CCT8: variants seen among roughly 807,000 people sequenced by gnomAD.
The protein encoded by CCT8 is chaperonin containing TCP1 subunit 8, also known as T-complex protein 1 subunit theta.
A neutral mutation model predicts 65.7 loss-of-function variants in CCT8; 10 were observed. The observed-to-expected ratio is 0.15, with a 90% confidence interval of 0.09 to 0.26. The LOEUF (loss-of-function observed/expected upper bound fraction) is 0.26, where lower values mean the gene tolerates loss of function less well. CCT8 is among the 10% of genes least tolerant of loss of function. CCT8 has a pLI of 1.00. For synonymous variants in CCT8, 199 were observed against 221.8 expected, an observed-to-expected ratio of 0.90 and a Z score of 0.92; for missense variants, 568 against 669.1, an observed-to-expected ratio of 0.85 and a Z score of 1.67.
chr21:29,057,684 C>T (rs1467778958), intron 14 of CCT8, among the ~76,000 whole-genome samples: 3 of 145,616 alleles, frequency 2.1e-5, no homozygotes, highest in African/African-American at 7.6e-5. Flanking sequence ...ATATACGATA[C>T]ATATATCATA....
At chr21:29,061,461 G>A (rs566821834) in intron 12 of CCT8, 35 bp downstream of exon 12, 1 of 1,613,118 alleles carries the variant, frequency 6.2e-7, no homozygotes, top group Admixed American at 1.7e-5. Context: ...TTCAAGCAAT[G>A]GAAAGAAAGT....
intron 14 of CCT8, 130 bp from the exon 15 acceptor site, chr21:29,056,682 T>C (rs1485608995): frequency 2.2e-6 from 1 of 448,916 alleles, no homozygotes; most frequent in African/African-American, 2.0e-5. Context: ...TATAAAACAC[T>C]ACAGCACAGA....
chr21:29,061,751 G>A (rs868077162), intron 11 of CCT8, among the ~76,000 whole-genome samples, 184 bp from the exon 12 acceptor site: 37 of 152,312 alleles, frequency 2.4e-4, no homozygotes, highest in Middle Eastern at 3.4e-3. Flanking sequence ...AATTTTCTTA[G>A]TGCACAGTGT....
rs1317675081 is a variant in CCT8, at chr21:29,071,310, A to C, written c.61-973T>G. On this transcript the variant is annotated intron_variant, in intron 1 of 14. Transcript: ENST00000286788. Reference sequence around the variant, plus strand: ...TGATACAGCGTATGTCCAGCACTGCAAAAAGTTCTATTTACATAGTACTGC... The same window carrying C: ...TGATACAGCGTATGTCCAGCACTGCCAAAAGTTCTATTTACATAGTACTGC... 4.6e-5 allele frequency among the ~76,000 whole-genome samples: 7 copies of C among 152,240 alleles called. 1 individual carries two copies. In the East Asian group the frequency reaches 1.3e-3, roughly 29 times the overall value.
chr21:29,071,913 C>G, intron 1 of CCT8: 1 of 701,422 alleles, frequency 1.4e-6, no homozygotes, highest in Admixed American at 2.0e-5. Context: ...CAAGGCCCTA[C>G]GTATCCCGGC....
chr21:29,067,947 G>A (rs539204374), intron 3 of CCT8, among the ~76,000 whole-genome samples: 1 of 152,202 alleles, frequency 6.6e-6, no homozygotes, highest in Non-Finnish European at 1.5e-5. Context: ...TCTTTTGGTG[G>A]CCTGCACATA....
At chr21:29,067,109 T>TA (rs1188024177) in intron 4 of CCT8, 38 bp from the exon 5 acceptor site, 6 of 1,486,662 alleles carry the variant, frequency 4.0e-6, no homozygotes, top group Non-Finnish European at 5.5e-6. Context: ...TGACATGACT[T>TA]AAAGTAGCTT....
intron 2 of CCT8, 31 bp from the exon 3 acceptor site, chr21:29,069,533 A>C (rs1409332515): frequency 6.7e-6 from 9 of 1,352,386 alleles, no homozygotes; most frequent in African/African-American, 1.5e-5. Flanking sequence ...AAAGAAAAAG[A>C]AAGCCATTAT....
intron 1 of CCT8, among the ~76,000 whole-genome samples, chr21:29,070,898 C>T (rs1399043594): frequency 1.3e-5 from 2 of 152,148 alleles, no homozygotes; most frequent in African/African-American, 4.8e-5. Context: ...TTTTGTAAAG[C>T]CAGAAGTTCT....
intron 11 of CCT8, 53 bp downstream of exon 11, chr21:29,062,075 C>A: frequency 8.5e-7 from 1 of 1,170,428 alleles, no homozygotes; most frequent in Non-Finnish European, 1.3e-6. Context: ...ACTTTTAAGA[C>A]CATACAAATT....
intron 14 of CCT8, 125 bp downstream of exon 14, chr21:29,060,414 ATC>A: frequency 1.1e-6 from 1 of 891,650 alleles, no homozygotes; most frequent in Non-Finnish European, 1.7e-6. Context: ...GGCACATAGT[ATC>A]TCTAATAGGT....
chr21:29,062,505 T>C lies in CCT8; in HGVS notation c.993A>G (p.Thr331=), dbSNP rs61736413. ...LRRLCKTVGA[T]ALPRLTPPVL... is the part of the protein sequence containing the mutation. The stretch of plus-strand genomic sequence containing the variant: ...AAATACATACCAATCTAGGAAGAGC[T>C]GTAGCACCAACAGTTTTACAAAGTC... The change falls in exon 9 of 15, where the codon ACA becomes ACG. Residue 331 remains threonine (T), a synonymous_variant. Coordinates refer to ENST00000286788, the MANE Select transcript of CCT8 (RefSeq NM_006585.4). 1.6e-3 allele frequency: 2,637 copies of C among 1,613,974 alleles called. 38 individuals carry two copies. In the African/African-American group the frequency reaches 0.031, roughly 19 times the overall value.
rs563986044 is a variant in CCT8 at position 29,056,630 on chromosome 21, A to G, written c.1570-78T>C. On this transcript the variant is annotated intron_variant, in intron 14 of 14. Transcript: ENST00000286788. The stretch of plus-strand genomic sequence containing the variant: ...TGAAAAGAATGCTTCTATTAGCATG[A>G]TTTAAGATTAAGCAGTCTTCTTGGT... 103 of 872,958 alleles carry G rather than the reference A, an allele frequency of 1.2e-4. No individual in the cohort carries two copies. In the African/African-American group the frequency reaches 1.5e-3, roughly 12 times the overall value. The allele number at this position is 872,958 out of a possible 1,614,324, so 54.1% of individuals were successfully genotyped here.
intron 7 of CCT8, 85 bp from the exon 8 acceptor site, chr21:29,063,615 T>A: frequency 2.9e-6 from 4 of 1,391,154 alleles, no homozygotes; most frequent in Admixed American, 1.9e-5. Flanking sequence ...ACTGAAGAAA[T>A]AAAGGTTTGG....
intron 7 of CCT8, 36 bp downstream of exon 7, chr21:29,064,932 C>T (rs2085604951): frequency 6.3e-7 from 1 of 1,597,242 alleles, no homozygotes; most frequent in Non-Finnish European, 8.6e-7. Context: ...AAAGTGCAAC[C>T]CCAATTATTA....
chr21:29,072,947 C>G (rs2070613), intron 1 of CCT8, among the ~76,000 whole-genome samples: 130,703 of 152,274 alleles, frequency 0.86, 56,412 homozygotes, highest in African/African-American at 0.94. Flanking sequence ...AAGAAAGTTA[C>G]ATTTTAGATT....
chr21:29,062,450 T>G, intron 9 of CCT8, 35 bp from the exon 10 acceptor site: 1 of 1,611,652 alleles, frequency 6.2e-7, no homozygotes, highest in Non-Finnish European at 8.5e-7. Context: ...AAAAATTCCA[T>G]CTTGTTCAAC....
In CCT8 at chr21:29,073,612, T is replaced by C. The variant is rs551934224; in HGVS notation, c.-22A>G. 38 of 1,613,150 alleles carry C rather than the reference T, an allele frequency of 2.4e-5. No homozygotes were observed. In the East Asian group the frequency reaches 8.0e-4, roughly 34 times the overall value. ...CCATGGCCAGCCTGCAGGAAGCAGT[T>C]CACGCGACCGCTCGGAAGACCGCGG... On this transcript the variant is annotated 5_prime_UTR_variant, in exon 1 of 15. Transcript: ENST00000286788.
chr21:29,069,939 C>T (rs2085663380), intron 2 of CCT8, among the ~76,000 whole-genome samples: 1 of 152,128 alleles, frequency 6.6e-6, no homozygotes, highest in Non-Finnish European at 1.5e-5. Context: ...AATTTTCTTC[C>T]TTAAACTATG....
Sources: gnomAD v4.1 joint callset for allele counts (sites outside exome capture counted in the v4.1 genomes callset) on GRCh38, gnomAD v4.1.1 for gene constraint, MANE v1.5 for transcripts, NCBI Gene and HGNC (gene_info 2026-07-23, HGNC 2026-07-21) for gene names.